CNOT6L: variants seen among roughly 807,000 people sequenced by gnomAD.
CNOT6L encodes the protein CCR4-NOT transcription complex subunit 6-like.
Under a neutral mutation model 64.0 loss-of-function variants are expected in CNOT6L, and 7 were observed. The observed-to-expected ratio is 0.11, with a 90% CI of 0.06 to 0.21. The LOEUF (loss-of-function observed/expected upper bound fraction) is 0.21. Among genes scored for constraint, CNOT6L ranks in the 10% least tolerant of loss-of-function variants. The probability of loss-of-function intolerance (pLI) is 1.00; values close to 1 mark genes in which losing one functional copy is unlikely to be tolerated. For synonymous variants in CNOT6L, 193 were observed against 243.4 expected, an observed-to-expected ratio of 0.79 and a Z score of 1.93; for missense variants, 245 against 669.0, an observed-to-expected ratio of 0.37 and a Z score of 6.99.
At chr4:77,799,737 A>C (rs1013073644) in intron 1 of CNOT6L, among the ~76,000 whole-genome samples, 1 of 151,234 alleles carries the variant, frequency 6.6e-6, no homozygotes. Context: ...ACATGTTCAG[A>C]CCCAAACTAA....
chr4:77,755,443 T>C (rs944986854), intron 5 of CNOT6L, among the ~76,000 whole-genome samples: 2 of 151,942 alleles, frequency 1.3e-5, no homozygotes, highest in African/African-American at 4.8e-5. Context: ...TCTCGATCTC[T>C]TGACCTCGTG....
chr4:77,761,734 TC>T (rs1176297914), intron 4 of CNOT6L, among the ~76,000 whole-genome samples: 1 of 152,168 alleles, frequency 6.6e-6, no homozygotes, highest in African/African-American at 2.4e-5. Flanking sequence ...TGCACCATTG[TC>T]ACTTCTATTC....
At chr4:77,736,537 A>AC (rs1424196194) in intron 8 of CNOT6L, among the ~76,000 whole-genome samples, 1 of 54,432 alleles carries the variant, frequency 1.8e-5, no homozygotes, top group Non-Finnish European at 5.7e-5. Context: ...TTCTGCATCT[A>AC]CTTTGTTTCA....
chr4:77,787,551 G>A (rs1379724902), intron 1 of CNOT6L, among the ~76,000 whole-genome samples: 1 of 152,144 alleles, frequency 6.6e-6, no homozygotes, highest in Non-Finnish European at 1.5e-5. Context: ...CAGTTTCTCA[G>A]CATACACAAT....
intron 7 of CNOT6L, among the ~76,000 whole-genome samples, chr4:77,743,087 C>A (rs1723769965): frequency 2.0e-5 from 3 of 152,068 alleles, no homozygotes. Context: ...CAAAATGTAT[C>A]TGTAAATATA....
chr4:77,810,742 C>T (rs1578011831), intron 1 of CNOT6L, among the ~76,000 whole-genome samples: 1 of 152,032 alleles, frequency 6.6e-6, no homozygotes, highest in Non-Finnish European at 1.5e-5. Context: ...GAACTTACTC[C>T]CCCATCTAGC....
At chr4:77,728,168 T>G (rs1057135203) in intron 10 of CNOT6L, among the ~76,000 whole-genome samples, 2 of 152,198 alleles carry the variant, frequency 1.3e-5, no homozygotes, top group Non-Finnish European at 2.9e-5. Flanking sequence ...CTAGGATAAT[T>G]TTGATCATTC....
chr4:77,818,055 A>G (rs1207642548), intron 1 of CNOT6L, among the ~76,000 whole-genome samples: 1 of 152,254 alleles, frequency 6.6e-6, no homozygotes, highest in Non-Finnish European at 1.5e-5. Flanking sequence ...CCAGCAGCAC[A>G]TACTGAGTAG....
chr4:77,807,776 G>A (rs1406298469), intron 1 of CNOT6L, among the ~76,000 whole-genome samples: 2 of 152,182 alleles, frequency 1.3e-5, no homozygotes, highest in African/African-American at 4.8e-5. Context: ...AAAAGTAATA[G>A]GAAGCAGCAA....
intron 4 of CNOT6L, among the ~76,000 whole-genome samples, chr4:77,760,994 G>T (rs1379815592): frequency 6.7e-6 from 1 of 149,448 alleles, no homozygotes; most frequent in East Asian, 2.0e-4. Context: ...GGGATTACAG[G>T]CATGAGCCAC....
intron 10 of CNOT6L, among the ~76,000 whole-genome samples, chr4:77,726,986 C>A (rs1173960396): frequency 1.3e-5 from 2 of 152,120 alleles, no homozygotes; most frequent in Non-Finnish European, 1.5e-5. Flanking sequence ...GAATAGCATT[C>A]AGAAAAGTGC....
intron 6 of CNOT6L, among the ~76,000 whole-genome samples, chr4:77,747,252 C>T (rs765171029): frequency 2.8e-4 from 43 of 152,206 alleles, no homozygotes; most frequent in East Asian, 5.8e-4. Context: ...ATGTAAACTC[C>T]GCATCCCAGG....
chr4:77,755,167 A>G (rs1011611293), intron 5 of CNOT6L, among the ~76,000 whole-genome samples: 7 of 149,894 alleles, frequency 4.7e-5, no homozygotes, highest in African/African-American at 1.5e-4. Flanking sequence ...TACAAATGAC[A>G]CACACACAGC....
intron 1 of CNOT6L, among the ~76,000 whole-genome samples, chr4:77,818,390 C>A (rs1444609075): frequency 1.3e-5 from 2 of 152,128 alleles, no homozygotes; most frequent in Non-Finnish European, 2.9e-5. Flanking sequence ...ATCCCACAGG[C>A]CAGGAAAGCC....
In CNOT6L at chr4:77,716,948, C is replaced by T. The variant is rs1249001765; in HGVS notation, c.*3483G>A. 6.6e-6 allele frequency: 1 copy of T among 152,500 alleles called. No individual in the cohort carries two copies. The highest frequency in any genetic ancestry group is 1.5e-5 in the Non-Finnish European group (1 of 67,998). The allele number at this position is 152,500 out of a possible 1,614,324, so 9.4% of individuals were successfully genotyped here. A position where few individuals can be genotyped will look rare whatever the true frequency, so the allele number is the denominator to read the frequency against. ...TCAGAACCCATTGTGCCATACCTGA[C>T]TTCAACATGTGATATTCAAACGAAT... On this transcript the variant is annotated 3_prime_UTR_variant, in exon 12 of 12. Transcript: ENST00000504123.
At chr4:77,783,168 A>AC in intron 1 of CNOT6L, among the ~76,000 whole-genome samples, 2 of 151,280 alleles carry the variant, frequency 1.3e-5, no homozygotes, top group Non-Finnish European at 2.9e-5. Flanking sequence ...AAAAAAAAAA[A>AC]AACACATGTT....
At position 77,774,398 on chromosome 4, in the gene CNOT6L, C is replaced by T. The variant is rs1727933836; in HGVS notation, c.314+132G>A. The T allele has an allele frequency of 9.0e-6, 6 of 669,850 alleles. No homozygotes were observed. In the South Asian group the frequency reaches 1.1e-4, roughly 12 times the overall value. The allele number at this position is 669,850 out of a possible 1,614,324, so 41.5% of individuals were successfully genotyped here. A position where few individuals can be genotyped will look rare whatever the true frequency, so the allele number is the denominator to read the frequency against. On this transcript the variant is annotated intron_variant, in intron 3 of 11. Transcript: ENST00000504123. ...AATGTTCAACGGAGGCCAACTCAAG[C>T]ACTATGCTTAGACAGTTTATATAAT... is the stretch of plus-strand genomic sequence containing the variant.
chr4:77,774,186 T>C (rs1041881957), intron 3 of CNOT6L, among the ~76,000 whole-genome samples: 1 of 152,232 alleles, frequency 6.6e-6, no homozygotes, highest in African/African-American at 2.4e-5. Flanking sequence ...TTGACTCATA[T>C]AATAGAGATA....
chr4:77,814,855 T>C (rs1303424932), intron 1 of CNOT6L, among the ~76,000 whole-genome samples: 1 of 152,200 alleles, frequency 6.6e-6, no homozygotes, highest in Non-Finnish European at 1.5e-5. Context: ...ATTAAAGTTG[T>C]CCAGTGATAA....
Sources: gnomAD v4.1 joint callset for allele counts (sites outside exome capture counted in the v4.1 genomes callset) on GRCh38, gnomAD v4.1.1 for gene constraint, MANE v1.5 for transcripts, NCBI Gene and HGNC (gene_info 2026-07-23, HGNC 2026-07-21) for gene names.